Variants in KCNN2 observed in about 807,000 individuals in gnomAD.
The protein encoded by KCNN2 is small conductance calcium-activated potassium channel protein 2.
KCNN2 carries 24 observed loss-of-function variants against 55.5 expected under a neutral mutation model. The observed-to-expected ratio is 0.43, with a 90% confidence interval of 0.31 to 0.61. The LOEUF (loss-of-function observed/expected upper bound fraction) is 0.61, where lower values mean the gene tolerates loss of function less well. Ranked by LOEUF, KCNN2 falls within the 20% of genes least tolerant of loss-of-function variation. The pLI, the probability that KCNN2 is intolerant of heterozygous loss-of-function variation, is 0.08. For synonymous variants in KCNN2, 431 were observed against 336.1 expected (o/e 1.28, Z -3.09); for missense variants, 754 against 853.6 (o/e 0.88, Z 1.45).
chr5:114,300,808 G>T (rs1756138087), intron 2 of KCNN2, among the ~76,000 whole-genome samples: 1 of 152,082 alleles, frequency 6.6e-6, no homozygotes, highest in Admixed American at 6.6e-5. Context: ...ATCAACTTCA[G>T]AAAATACTTT....
intron 2 of KCNN2, among the ~76,000 whole-genome samples, chr5:114,290,800 A>T (rs983706643): frequency 6.6e-6 from 1 of 152,032 alleles, no homozygotes; most frequent in Non-Finnish European, 1.5e-5. Context: ...GTTTACTTTT[A>T]TCTCTAAATA....
intron 2 of KCNN2, among the ~76,000 whole-genome samples, chr5:114,256,847 G>A (rs994915716): frequency 1.3e-5 from 2 of 152,044 alleles, no homozygotes; most frequent in African/African-American, 4.8e-5. Context: ...TTCTTTTGCT[G>A]TGCAGAAGCT....
At chr5:114,279,204 C>CT (rs1232912949) in intron 2 of KCNN2, among the ~76,000 whole-genome samples, 1 of 152,092 alleles carries the variant, frequency 6.6e-6, no homozygotes, top group African/African-American at 2.4e-5. Flanking sequence ...CACATTCAGT[C>CT]TATCAGCAAA....
chr5:114,396,335 A>G (rs1048595737), intron 2 of KCNN2, among the ~76,000 whole-genome samples: 5 of 152,184 alleles, frequency 3.3e-5, no homozygotes, highest in African/African-American at 1.2e-4. Context: ...GAGAAACCGG[A>G]AACATTACAT....
intron 5 of KCNN2, among the ~76,000 whole-genome samples, chr5:114,480,893 A>G (rs1762196043): frequency 6.6e-6 from 1 of 152,224 alleles, no homozygotes; most frequent in Admixed American, 6.5e-5. Context: ...GTCTATGACA[A>G]ATCCACAGCC....
intron 3 of KCNN2, 137 bp from the exon 4 acceptor site, chr5:114,462,912 T>C: frequency 1.3e-6 from 1 of 798,116 alleles, no homozygotes; most frequent in Non-Finnish European, 2.0e-6. Flanking sequence ...ATTTTGTTTA[T>C]ATTCACAAGC....
chr5:114,433,339 C>T (rs1191497648), intron 3 of KCNN2, among the ~76,000 whole-genome samples: 1 of 152,158 alleles, frequency 6.6e-6, no homozygotes, highest in Non-Finnish European at 1.5e-5. Flanking sequence ...TTTGTGTGGA[C>T]ACTCTGTATC....
intron 2 of KCNN2, among the ~76,000 whole-genome samples, chr5:114,402,324 A>G (rs776339385): frequency 1.3e-5 from 2 of 152,216 alleles, no homozygotes; most frequent in Non-Finnish European, 2.9e-5. Flanking sequence ...TAATGGGAGC[A>G]AGATCTGCCT....
At chr5:114,099,653 C>G (rs1289713062) in intron 1 of KCNN2, among the ~76,000 whole-genome samples, 1 of 152,034 alleles carries the variant, frequency 6.6e-6, no homozygotes, top group African/African-American at 2.4e-5. Flanking sequence ...AGAGTCTTTT[C>G]ACTTCATATT....
chr5:114,231,360 A>G (rs1242330895), intron 2 of KCNN2, among the ~76,000 whole-genome samples: 1 of 127,262 alleles, frequency 7.9e-6, no homozygotes, highest in African/African-American at 3.3e-5. Context: ...GTCCTTGCCC[A>G]TGCCTATGTC....
At chr5:114,449,900 A>ACG (rs768756339) in intron 3 of KCNN2, among the ~76,000 whole-genome samples, 7 of 141,242 alleles carry the variant, frequency 5.0e-5, no homozygotes, top group African/African-American at 1.8e-4. Flanking sequence ...ACACACACAC[A>ACG]CACACACACG....
chr5:114,275,194 G>A (rs192741807), intron 2 of KCNN2, among the ~76,000 whole-genome samples: 120 of 152,204 alleles, frequency 7.9e-4, no homozygotes, highest in Non-Finnish European at 1.6e-4. Flanking sequence ...TGACTTGATC[G>A]TGGTGGATAA....
At chr5:114,218,186 A>G (rs891633715) in intron 1 of KCNN2, among the ~76,000 whole-genome samples, 1 of 152,232 alleles carries the variant, frequency 6.6e-6, no homozygotes, top group Non-Finnish European at 1.5e-5. Context: ...GGCTTCTTAC[A>G]AAACTAAACA....
At chr5:114,337,763 A>G (rs1339308851) in intron 2 of KCNN2, among the ~76,000 whole-genome samples, 1 of 152,128 alleles carries the variant, frequency 6.6e-6, no homozygotes, top group Non-Finnish European at 1.5e-5. Context: ...TTACCCTTAT[A>G]TTGAATTTTA....
chr5:114,491,771 G>A (rs764947249), intron 6 of KCNN2, among the ~76,000 whole-genome samples: 1 of 152,084 alleles, frequency 6.6e-6, no homozygotes, highest in Non-Finnish European at 1.5e-5. Context: ...TCCAGTTAGA[G>A]TAAGGATGGA....
chr5:114,273,184 T>C (rs1038469475), intron 2 of KCNN2, among the ~76,000 whole-genome samples: 1 of 152,342 alleles, frequency 6.6e-6, no homozygotes, highest in Non-Finnish European at 1.5e-5. Flanking sequence ...GCTTCATCCA[T>C]GTCCCTGCAA....
chr5:114,331,148 C>T (rs774744999), intron 2 of KCNN2, among the ~76,000 whole-genome samples: 9 of 151,954 alleles, frequency 5.9e-5, no homozygotes, highest in Non-Finnish European at 1.2e-4. Flanking sequence ...ATAAGCGGAT[C>T]ATAAACAAGG....
At chr5:114,263,098 C>G (rs1755140998) in intron 2 of KCNN2, among the ~76,000 whole-genome samples, 1 of 152,132 alleles carries the variant, frequency 6.6e-6, no homozygotes, top group Non-Finnish European at 1.5e-5. Context: ...TTAACCCACC[C>G]CACCTTTCAC....
At chr5:114,381,041 G>C (rs1758109292) in intron 2 of KCNN2, among the ~76,000 whole-genome samples, 1 of 152,172 alleles carries the variant, frequency 6.6e-6, no homozygotes, top group Non-Finnish European at 1.5e-5. Context: ...TGTGGGGGCA[G>C]CCCTCCTTGT....
Sources: allele counts gnomAD v4.1 joint callset (sites outside exome capture counted in the v4.1 genomes callset), GRCh38; gene constraint gnomAD v4.1.1; transcripts MANE v1.5; gene names NCBI Gene and HGNC (gene_info 2026-07-23, HGNC 2026-07-21).